The following FGF13 variants were observed in gnomAD, a reference collection of about 807,000 sequenced individuals.
The protein encoded by FGF13 is fibroblast growth factor 13, also known as fibroblast growth factor homologous factor 2.
In FGF13, 2 loss-of-function variants were observed where a neutral mutation model predicts 19.5. The ratio of observed to expected loss-of-function variants is 0.10; its 90% CI spans 0.04 to 0.32. The LOEUF (loss-of-function observed/expected upper bound fraction) is 0.32, where lower values mean the gene tolerates loss of function less well. Among genes scored for constraint, FGF13 ranks in the 10% least tolerant of loss-of-function variants. The probability of loss-of-function intolerance (pLI) is 1.00; values close to 1 mark genes in which losing one functional copy is unlikely to be tolerated. For missense variants in FGF13, 113 were observed against 192.7 expected, an observed-to-expected ratio of 0.59 and a Z score of 2.45; for synonymous variants, 72 against 76.9, an observed-to-expected ratio of 0.94 and a Z score of 0.33.
chrX:138,897,289 G>A (rs778572112), intron 1 of FGF13, among the ~76,000 whole-genome samples: 8 of 110,580 alleles, frequency 7.2e-5, no homozygotes, highest in Non-Finnish European at 9.4e-5. Context: ...GGATTACAGA[G>A]GTGAGCCACC....
chrX:138,687,098 T>A (rs1210073854), intron 3 of FGF13, among the ~76,000 whole-genome samples: 2 of 111,520 alleles, frequency 1.8e-5, no homozygotes, highest in African/African-American at 3.3e-5. Flanking sequence ...TTGGCAAAGA[T>A]TTTTTGGGTA....
chrX:139,201,228 G>A (rs1381075028), intron 1 of FGF13, among the ~76,000 whole-genome samples: 1 of 111,785 alleles, frequency 8.9e-6, no homozygotes, highest in Non-Finnish European at 1.9e-5. Flanking sequence ...TGAAGAAAAT[G>A]TCATTTAAAA....
intron 1 of FGF13, among the ~76,000 whole-genome samples, chrX:139,021,335 A>G (rs1166488178): frequency 9.0e-6 from 1 of 110,914 alleles, no homozygotes; most frequent in East Asian, 2.8e-4. Context: ...AGTAATAAAC[A>G]GGTTTATTAT....
At chrX:138,934,912 G>A (rs868656465) in intron 1 of FGF13, among the ~76,000 whole-genome samples, 2 of 102,073 alleles carry the variant, frequency 2.0e-5, no homozygotes, top group East Asian at 3.1e-4. Flanking sequence ...GAGGAGTTTG[G>A]AAAAAAAAAA....
intron 1 of FGF13, among the ~76,000 whole-genome samples, chrX:139,198,170 A>G (rs1441570227): frequency 1.8e-5 from 2 of 111,103 alleles, no homozygotes; most frequent in Admixed American, 9.6e-5. Flanking sequence ...TGCACACTTA[A>G]GATCTGTACA....
chrX:138,879,356 G>A (rs1424726866), intron 1 of FGF13, among the ~76,000 whole-genome samples: 4 of 111,129 alleles, frequency 3.6e-5, no homozygotes, highest in Admixed American at 1.9e-4. Flanking sequence ...GATACACAAC[G>A]ATTTTTAATT....
At chrX:138,645,129 C>A (rs1403299427) in intron 3 of FGF13, among the ~76,000 whole-genome samples, 1 of 111,683 alleles carries the variant, frequency 9.0e-6, no homozygotes, top group Non-Finnish European at 1.9e-5. Flanking sequence ...GTCCCAGGCA[C>A]TGTGACAGCC....
intron 1 of FGF13, among the ~76,000 whole-genome samples, chrX:139,083,993 A>G (rs62603179): frequency 0.15 from 17,018 of 110,217 alleles, 1,122 homozygotes; most frequent in African/African-American, 0.25. Flanking sequence ...GGGTGCCGAG[A>G]TGGGGGACTG....
intron 3 of FGF13, among the ~76,000 whole-genome samples, chrX:138,792,265 C>T (rs1319451596): frequency 1.8e-5 from 2 of 112,167 alleles, no homozygotes; most frequent in Non-Finnish European, 3.8e-5. Context: ...ATTTTCTGTA[C>T]TTTTTAAAAT....
chrX:139,151,051 AG>A (rs2083930753), intron 1 of FGF13, among the ~76,000 whole-genome samples: 2 of 110,748 alleles, frequency 1.8e-5, no homozygotes, highest in Admixed American at 9.7e-5. Context: ...GCATTCTCAA[AG>A]GGTCAATACA....
At chrX:139,189,010 C>A (rs2084302640) in intron 1 of FGF13, among the ~76,000 whole-genome samples, 1 of 109,775 alleles carries the variant, frequency 9.1e-6, no homozygotes, top group Non-Finnish European at 1.9e-5. Flanking sequence ...TGGTAAAGGG[C>A]AAAAATGCAA....
chrX:138,821,366 C>T (rs1436742169), intron 3 of FGF13, among the ~76,000 whole-genome samples: 1 of 111,739 alleles, frequency 8.9e-6, no homozygotes, highest in African/African-American at 3.2e-5. Flanking sequence ...GATACAAAAA[C>T]CTGTACGTGG....
At chrX:139,022,468 G>A (rs1052516575) in intron 1 of FGF13, among the ~76,000 whole-genome samples, 5 of 111,177 alleles carry the variant, frequency 4.5e-5, no homozygotes, top group African/African-American at 1.3e-4. Context: ...TTTTTCTTCC[G>A]TTGGCTTCCC....
At chrX:138,760,136 G>C (rs2090457169) in intron 3 of FGF13, among the ~76,000 whole-genome samples, 1 of 110,988 alleles carries the variant, frequency 9.0e-6, no homozygotes, top group Non-Finnish European at 1.9e-5. Context: ...AGATGTTTGT[G>C]CCAGAGTTCC....
intron 3 of FGF13, among the ~76,000 whole-genome samples, chrX:138,749,239 G>A (rs771624444): frequency 3.7e-5 from 4 of 108,904 alleles, no homozygotes; most frequent in African/African-American, 1.3e-4. Flanking sequence ...AGGCAACTAG[G>A]TGAAGAGAGT....
At chrX:138,760,965 T>C (rs2090462601) in intron 3 of FGF13, among the ~76,000 whole-genome samples, 1 of 111,940 alleles carries the variant, frequency 8.9e-6, no homozygotes, top group South Asian at 3.8e-4. Context: ...AAGCTAAACT[T>C]TCTCCCAGCT....
intron 1 of FGF13, among the ~76,000 whole-genome samples, chrX:138,989,027 G>C (rs1292275648): frequency 9.0e-6 from 1 of 111,560 alleles, no homozygotes; most frequent in African/African-American, 3.3e-5. Flanking sequence ...TTGGCTGTCG[G>C]CTACCACTTA....
intron 3 of FGF13, among the ~76,000 whole-genome samples, chrX:138,660,927 G>T (rs1244803706): frequency 9.0e-6 from 1 of 111,519 alleles, no homozygotes; most frequent in Non-Finnish European, 1.9e-5. Flanking sequence ...ATACATCTAA[G>T]AAAAATATAA....
chrX:139,163,127 G>C (rs2084049669), intron 1 of FGF13, among the ~76,000 whole-genome samples: 1 of 111,993 alleles, frequency 8.9e-6, no homozygotes, highest in Non-Finnish European at 1.9e-5. Context: ...CAATAGCAAA[G>C]TCTTGGAACC....
Sources: allele counts gnomAD v4.1 joint callset (sites outside exome capture counted in the v4.1 genomes callset), GRCh38; gene constraint gnomAD v4.1.1; transcripts MANE v1.5; gene names NCBI Gene and HGNC (gene_info 2026-07-23, HGNC 2026-07-21).